Variants in NFATC3 observed in about 807,000 individuals in gnomAD.
NFATC3 encodes nuclear factor of activated T-cells, cytoplasmic 3.
In NFATC3, 46 loss-of-function variants were observed where a neutral mutation model predicts 98.6. That is an observed-to-expected ratio of 0.47 (90% CI 0.37 to 0.60). The LOEUF (loss-of-function observed/expected upper bound fraction) is 0.60, where lower values mean the gene tolerates loss of function less well. Among genes scored for constraint, NFATC3 ranks in the 20% least tolerant of loss-of-function variants. NFATC3 has a pLI of 0.00. For missense variants in NFATC3, 1,256 were observed against 1,295.5 expected (o/e 0.97, Z 0.47); for synonymous variants, 512 against 472.2 (o/e 1.08, Z -1.09).
intron 3 of NFATC3, among the ~76,000 whole-genome samples, chr16:68,150,459 G>A (rs920664561): frequency 2.7e-5 from 4 of 147,894 alleles, no homozygotes; most frequent in African/African-American, 1.0e-4. Flanking sequence ...GCACACTCCT[G>A]ATGTCCTAGC....
intron 1 of NFATC3, chr16:68,086,793 T>C (rs2034403166): frequency 4.1e-6 from 4 of 985,228 alleles, no homozygotes; most frequent in African/African-American, 1.7e-5. Flanking sequence ...GAGGATTCTC[T>C]AGGCGGTACT....
intron 9 of NFATC3, among the ~76,000 whole-genome samples, chr16:68,212,956 ATT>A (rs1234209557): frequency 6.0e-5 from 7 of 117,576 alleles, no homozygotes; most frequent in Admixed American, 9.1e-5. Flanking sequence ...CGCCTGGCTG[ATT>A]TTTTTTTTTT....
rs35302776 is a variant in NFATC3, at chr16:68,167,810, CTTTTTTTTTTTTTTTTTTTTTTTTTT to C, written c.1774+809_1774+834del. 9.6e-4 allele frequency among the ~76,000 whole-genome samples: 23 copies of C among 23,920 alleles called. No homozygotes were observed. In the East Asian group the frequency reaches 0.026, roughly 27 times the overall value. 15.7% of individuals were successfully genotyped at this position (23,920 alleles called of 152,430 possible). A position where few individuals can be genotyped will look rare whatever the true frequency, so the allele number is the denominator to read the frequency against. The stretch of plus-strand genomic sequence containing the variant: ...TTTATATCTGTTAACCGTATGTGTT[CTTTTTTTTTTTTTTTTTTTTTTTTTT>C]TTTTTTTTTTTTTGAGACGGAGATT... On this transcript the variant is annotated intron_variant, in intron 5 of 9. Transcript: ENST00000346183.
intron 1 of NFATC3, among the ~76,000 whole-genome samples, chr16:68,113,870 T>C (rs1400731713): frequency 6.6e-6 from 1 of 152,254 alleles, no homozygotes; most frequent in Non-Finnish European, 1.5e-5. Flanking sequence ...CCACCGCCAC[T>C]GTGTTGTGCT....
intron 9 of NFATC3, among the ~76,000 whole-genome samples, chr16:68,211,030 CCTT>C (rs889607856): frequency 1.3e-5 from 2 of 152,068 alleles, no homozygotes; most frequent in Admixed American, 6.6e-5. Flanking sequence ...GATCCACCCA[CCTT>C]AGCCTCCCAG....
At chr16:68,130,995 CAT>C (rs1180816182) in intron 3 of NFATC3, among the ~76,000 whole-genome samples, 1 of 152,178 alleles carries the variant, frequency 6.6e-6, no homozygotes, top group Non-Finnish European at 1.5e-5. Context: ...TATTCTGTCA[CAT>C]GAGTCTGTGT....
rs2035546776 is a variant in NFATC3 at position 68,104,653 on chromosome 16, G to GTTTTGTTTTTTTTTTTTTTTTTTTTTT, written c.104-17330_104-17329insGTTTTTTTTTTTTTTTTTTTTTTTTTT. Reference sequence around the variant, plus strand: ...GTTAGCTGTGGGCTTTTCACAAATGGTTTTTTTTTTTTTTTTGAAATGGAG... The same window carrying GTTTTGTTTTTTTTTTTTTTTTTTTTTT: ...GTTAGCTGTGGGCTTTTCACAAATGGTTTTGTTTTTTTTTTTTTTTTTTTTTTTTTTTTTTTTTTTTTTGAAATGGAG... On this transcript the variant is annotated intron_variant, in intron 1 of 9. Transcript: ENST00000346183. 1.6e-5 allele frequency among the ~76,000 whole-genome samples: 2 copies of GTTTTGTTTTTTTTTTTTTTTTTTTTTT among 126,698 alleles called. 1 individual carries two copies. The highest frequency in any genetic ancestry group is 6.3e-5 in the African/African-American group (2 of 31,830). The allele number at this position is 126,698 out of a possible 152,430, so 83.1% of individuals were successfully genotyped here. A position where few individuals can be genotyped will look rare whatever the true frequency, so the allele number is the denominator to read the frequency against.
intron 9 of NFATC3, among the ~76,000 whole-genome samples, chr16:68,213,020 C>T (rs1228105447): frequency 2.1e-5 from 3 of 143,464 alleles, no homozygotes; most frequent in South Asian, 2.3e-4. Context: ...AGGATGGTCT[C>T]GGTGTCCTCA....
At chr16:68,126,756 T>G in intron 3 of NFATC3, 146 bp downstream of exon 3, 1 of 652,052 alleles carries the variant, frequency 1.5e-6, no homozygotes, top group South Asian at 3.1e-5. Flanking sequence ...TTGATGTGAC[T>G]ACACTTGTGC....
intron 1 of NFATC3, among the ~76,000 whole-genome samples, chr16:68,120,705 C>T (rs913899618): frequency 3.3e-5 from 5 of 151,964 alleles, no homozygotes; most frequent in Non-Finnish European, 7.4e-5. Flanking sequence ...AGCACTCCAG[C>T]CTGGGCGACA....
At chr16:68,214,413 C>T (rs200696162) in intron 9 of NFATC3, 1 of 1,614,020 alleles carries the variant, frequency 6.2e-7, no homozygotes, top group East Asian at 2.2e-5. Flanking sequence ...TGTCCAGCTC[C>T]TTTCTGGAGA....
chr16:68,164,302 A>G (rs991286453), intron 4 of NFATC3, among the ~76,000 whole-genome samples: 2 of 152,148 alleles, frequency 1.3e-5, no homozygotes, highest in African/African-American at 4.8e-5. Flanking sequence ...GAGGCAGGAG[A>G]ATCAGGCAGG....
rs1044997525 is a variant in NFATC3 at position 68,119,059 on chromosome 16, G to T, written c.104-2928G>T. Among the ~76,000 whole-genome samples the T allele has an allele frequency of 3.9e-5, 6 of 152,114 alleles. No homozygotes were observed. In the South Asian group the frequency reaches 1.2e-3, roughly 32 times the overall value. On this transcript the variant is annotated intron_variant, in intron 1 of 9. Coordinates refer to ENST00000346183, the MANE Select transcript of NFATC3 (RefSeq NM_173165.3). ...ATTTTTTGTATTTTCAGTAGAGATG[G>T]GGTTTCACCGTGTTAGCCAGCATGG...
At chr16:68,115,714 C>T (rs1212622977) in intron 1 of NFATC3, among the ~76,000 whole-genome samples, 2 of 152,118 alleles carry the variant, frequency 1.3e-5, no homozygotes, top group Non-Finnish European at 2.9e-5. Context: ...CGTGAGCCAC[C>T]ATACCTGGCC....
chr16:68,123,615 A>C (rs2036666171), intron 2 of NFATC3, among the ~76,000 whole-genome samples: 1 of 151,986 alleles, frequency 6.6e-6, no homozygotes, highest in Non-Finnish European at 1.5e-5. Flanking sequence ...GCAGTGAAAC[A>C]TGATTATGCC....
At chr16:68,086,549 G>C in intron 1 of NFATC3, 3 of 678,366 alleles carry the variant, frequency 4.4e-6, no homozygotes, top group Non-Finnish European at 5.5e-6. Flanking sequence ...TCAGGAAATA[G>C]AAACAGGATG....
At chr16:68,130,191 A>G (rs1219749760) in intron 3 of NFATC3, among the ~76,000 whole-genome samples, 1 of 152,160 alleles carries the variant, frequency 6.6e-6, no homozygotes, top group Non-Finnish European at 1.5e-5. Context: ...GCTGGATCAT[A>G]TGGTAGTTCT....
chr16:68,107,444 C>T (rs973498132), intron 1 of NFATC3, among the ~76,000 whole-genome samples: 23 of 152,090 alleles, frequency 1.5e-4, no homozygotes, highest in African/African-American at 5.1e-4. Context: ...CATTCTGGGC[C>T]GGGTGTGGTG....
chr16:68,213,375 AC>A (rs1262005144), intron 9 of NFATC3, among the ~76,000 whole-genome samples: 2 of 151,532 alleles, frequency 1.3e-5, no homozygotes, highest in Non-Finnish European at 2.9e-5. Flanking sequence ...AGATGGTGCC[AC>A]TGCACTCCAG....
Sources: gnomAD v4.1 joint callset for allele counts (sites outside exome capture counted in the v4.1 genomes callset) on GRCh38, gnomAD v4.1.1 for gene constraint, MANE v1.5 for transcripts, NCBI Gene and HGNC (gene_info 2026-07-23, HGNC 2026-07-21) for gene names.